Variants in EEFSEC observed in about 807,000 individuals in gnomAD.
EEFSEC encodes the protein eukaryotic elongation factor, selenocysteine-tRNA specific, also known as selenocysteine-specific elongation factor.
A neutral mutation model predicts 42.1 loss-of-function variants in EEFSEC; 43 were observed. The observed-to-expected ratio is 1.02, with a 90% CI of 0.80 to 1.32. EEFSEC has a LOEUF of 1.32. Ranked by LOEUF, EEFSEC falls within the 40% of genes most tolerant of loss-of-function variation. The pLI, the probability that EEFSEC is intolerant of heterozygous loss-of-function variation, is 0.00. For synonymous variants in EEFSEC, 354 were observed against 339.1 expected, an observed-to-expected ratio of 1.04 and a Z score of -0.48; for missense variants, 745 against 803.6, an observed-to-expected ratio of 0.93 and a Z score of 0.88.
chr3:128,245,430 G>C (rs894602228), intron 1 of EEFSEC, among the ~76,000 whole-genome samples: 4 of 152,268 alleles, frequency 2.6e-5, no homozygotes, highest in Non-Finnish European at 5.9e-5. Context: ...TGGCAGAGGA[G>C]ATGCTGCTGC....
the EEFSEC span, among the ~76,000 whole-genome samples, chr3:128,414,122 C>T: frequency 6.6e-6 from 1 of 152,240 alleles, no homozygotes; most frequent in Non-Finnish European, 1.5e-5. Context: ...TCTAGTTCAC[C>T]TCTTCCCTGT....
chr3:128,345,783 C>G (rs992342080), intron 5 of EEFSEC, among the ~76,000 whole-genome samples: 9 of 152,230 alleles, frequency 5.9e-5, no homozygotes, highest in African/African-American at 2.2e-4. Context: ...TAAGTGAGCA[C>G]TTTCCGCCAG....
At position 128,264,590 on chromosome 3, in the gene EEFSEC, A is replaced by G. The variant is rs1185931080; in HGVS notation, c.622-27A>G. The G allele has an allele frequency of 2.5e-6, 4 of 1,610,456 alleles. No homozygotes were observed. The Admixed American group carries it at 5.0e-5, about 20-fold the overall frequency. ...CCCCATCTGGCTCCTCTCCCCACGG[A>G]CTGTGGCACCAGTTTCTCTTTTCTA... On this transcript the variant is annotated intron_variant, in intron 3 of 6. Coordinates refer to ENST00000254730, the MANE Select transcript of EEFSEC (RefSeq NM_021937.5).
rs117739200 is a variant in EEFSEC at position 128,244,943 on chromosome 3, T to C, written c.317-1893T>C. 9.2e-5 allele frequency among the ~76,000 whole-genome samples: 14 copies of C among 152,342 alleles called. No homozygotes were observed. The East Asian group carries it at 2.1e-3, about 23-fold the overall frequency. On this transcript the variant is annotated intron_variant, in intron 1 of 6. Transcript: ENST00000254730. The stretch of plus-strand genomic sequence containing the variant: ...GGTGTATAGTATTCTGTCATGGCAT[T>C]ATAGCATTATATTCTTATTTTCAAC...
intron 1 of EEFSEC, among the ~76,000 whole-genome samples, chr3:128,192,015 T>A (rs2065529976): frequency 1.3e-5 from 2 of 152,168 alleles, no homozygotes; most frequent in African/African-American, 4.8e-5. Flanking sequence ...TCAATGTTCC[T>A]TTAAGGGAAA....
At chr3:128,208,314 A>C (rs1311809719) in intron 1 of EEFSEC, among the ~76,000 whole-genome samples, 1 of 152,082 alleles carries the variant, frequency 6.6e-6, no homozygotes, top group Non-Finnish European at 1.5e-5. Context: ...ACCTCTATTG[A>C]CCTGCGCTTC....
At chr3:128,259,631 C>A (rs1389323067) in intron 2 of EEFSEC, among the ~76,000 whole-genome samples, 1 of 152,184 alleles carries the variant, frequency 6.6e-6, no homozygotes, top group East Asian at 1.9e-4. Flanking sequence ...AAATTGTATT[C>A]ATTAAGCCCT....
intron 4 of EEFSEC, among the ~76,000 whole-genome samples, chr3:128,327,318 C>T (rs1368209755): frequency 1.4e-5 from 2 of 144,100 alleles, no homozygotes; most frequent in Admixed American, 6.9e-5. Flanking sequence ...TTGTCCCCCT[C>T]TCTCCCGATC....
At chr3:128,285,527 CG>C (rs2066574667) in intron 4 of EEFSEC, among the ~76,000 whole-genome samples, 2 of 152,138 alleles carry the variant, frequency 1.3e-5, no homozygotes, top group Admixed American at 6.5e-5. Context: ...GGAGCACTGC[CG>C]TGTCCCCTCC....
intron 6 of EEFSEC, among the ~76,000 whole-genome samples, chr3:128,406,092 C>T (rs1004364607): frequency 1.3e-5 from 2 of 152,194 alleles, no homozygotes; most frequent in African/African-American, 4.8e-5. Context: ...AGAGTGAGTG[C>T]TTACACTGAG....
At chr3:128,381,833 G>A (rs1342399673) in intron 6 of EEFSEC, among the ~76,000 whole-genome samples, 5 of 152,206 alleles carry the variant, frequency 3.3e-5, no homozygotes, top group South Asian at 2.1e-4. Flanking sequence ...CAGGGTAGCA[G>A]GAAGGGCATT....
At chr3:128,307,894 C>T (rs1022554540) in intron 4 of EEFSEC, among the ~76,000 whole-genome samples, 4 of 152,172 alleles carry the variant, frequency 2.6e-5, no homozygotes, top group Admixed American at 6.5e-5. Context: ...TTTGATTGTG[C>T]GCTCTCCCTG....
chr3:128,399,108 TA>T (rs3037459), intron 6 of EEFSEC, among the ~76,000 whole-genome samples: 56,536 of 150,754 alleles, frequency 0.38, 12,324 homozygotes, highest in African/African-American at 0.6. Context: ...ATAAATAAAA[TA>T]AAAAAAAACC....
At chr3:128,344,885 C>T (rs985560035) in intron 5 of EEFSEC, among the ~76,000 whole-genome samples, 1 of 152,228 alleles carries the variant, frequency 6.6e-6, no homozygotes, top group Non-Finnish European at 1.5e-5. Flanking sequence ...CGACTCTCAT[C>T]AGGTGAAGCA....
rs115897073 is a variant in EEFSEC at position 128,153,780 on chromosome 3, C to G, written c.273C>G (p.Val91=). The G allele has an allele frequency of 5.9e-4, 897 of 1,531,158 alleles. 6 individuals carry two copies. The African/African-American group carries it at 0.011, about 19-fold the overall frequency. The allele number at this position is 1,531,158 out of a possible 1,614,324, so 94.8% of individuals were successfully genotyped here. ...PGEPLLQVTL[V]DCPGHASLIR... ...AGCCACTGCTTCAGGTCACGCTGGT[C>G]GACTGCCCCGGGCACGCCTCCCTCA... The change falls in exon 1 of 7, where the codon GTC becomes GTG. Residue 91 remains valine, a synonymous_variant. Transcript: ENST00000254730.
intron 1 of EEFSEC, among the ~76,000 whole-genome samples, chr3:128,175,859 T>C (rs1370478981): frequency 6.6e-6 from 1 of 152,180 alleles, no homozygotes; most frequent in African/African-American, 2.4e-5. Context: ...GTGACACCCA[T>C]AGCTGTGCTC....
At chr3:128,175,680 C>T (rs182536836) in intron 1 of EEFSEC, among the ~76,000 whole-genome samples, 19 of 152,348 alleles carry the variant, frequency 1.2e-4, no homozygotes, top group Admixed American at 5.9e-4. Flanking sequence ...CAAATGAAAA[C>T]GACATGGTCC....
intron 6 of EEFSEC, among the ~76,000 whole-genome samples, chr3:128,402,034 A>G (rs1247538540): frequency 6.6e-6 from 1 of 152,130 alleles, no homozygotes; most frequent in African/African-American, 2.4e-5. Context: ...AGCAGGTTCC[A>G]GCCAGATTGC....
chr3:128,341,892 G>A lies in EEFSEC; in HGVS notation c.1443+3G>A, dbSNP rs2067259821. 5.6e-6 allele frequency: 9 copies of A among 1,610,414 alleles called. No homozygotes were observed. The highest frequency in any genetic ancestry group is 7.6e-6 in the Non-Finnish European group (9 of 1,178,006). On this transcript the variant is annotated splice_donor_region_variant and intron_variant, in intron 5 of 6. Coordinates refer to ENST00000254730, the MANE Select transcript of EEFSEC (RefSeq NM_021937.5). ...ACAAGCATGGCCTTGTGGAGCGGGT[G>A]AGCATGCCCTTGCCTGGCCCCACAC... is the stretch of plus-strand genomic sequence containing the variant.
Sources: gnomAD v4.1 joint callset for allele counts (sites outside exome capture counted in the v4.1 genomes callset) on GRCh38, gnomAD v4.1.1 for gene constraint, MANE v1.5 for transcripts, NCBI Gene and HGNC (gene_info 2026-07-23, HGNC 2026-07-21) for gene names.